The following ANKRD44 variants were observed in gnomAD, a reference collection of about 807,000 sequenced individuals.
ANKRD44 encodes the protein ankyrin repeat domain 44.
ANKRD44 carries 35 observed loss-of-function variants against 116.0 expected under a neutral mutation model. The ratio of observed to expected loss-of-function variants is 0.30; its 90% CI spans 0.23 to 0.40. The LOEUF is 0.40. Among genes scored for constraint, ANKRD44 ranks in the 10% least tolerant of loss-of-function variants. The probability of loss-of-function intolerance (pLI) is 1.00; values close to 1 mark genes in which losing one functional copy is unlikely to be tolerated. For synonymous variants in ANKRD44, 435 were observed against 461.8 expected (o/e 0.94, Z 0.74); for missense variants, 1,014 against 1,242.6 (o/e 0.82, Z 2.77).
intron 1 of ANKRD44, among the ~76,000 whole-genome samples, chr2:197,233,860 T>G (rs755803719): frequency 3.9e-5 from 6 of 152,244 alleles, no homozygotes; most frequent in Non-Finnish European, 7.3e-5. Context: ...CTTTTTCAAA[T>G]AGCCAAATAA....
chr2:197,005,719 C>T lies in ANKRD44; in HGVS notation c.2322G>A (p.Thr774=), dbSNP rs979285115. ...DCCFKDNQGY[T]PLHWACYNGN... ...CATTGTAACAAGCCCAGTGCAGCGG[C>T]GTGTAGCCTTGGTTATCTTTGAAAC... Residue 774 remains threonine, a synonymous_variant, in exon 21 of 28, where the codon ACG becomes ACA. Coordinates refer to ENST00000282272, the MANE Select transcript of ANKRD44 (RefSeq NM_001195144.2). 18 of 1,614,102 alleles carry T rather than the reference C, an allele frequency of 1.1e-5. No individual in the cohort carries two copies. Among genetic ancestry groups the T allele is most frequent in the African/African-American group, 5.3e-5 (4 of 74,944 alleles).
intron 16 of ANKRD44, among the ~76,000 whole-genome samples, chr2:197,059,271 A>T (rs927121229): frequency 3.9e-5 from 6 of 152,232 alleles, no homozygotes; most frequent in Non-Finnish European, 8.8e-5. Context: ...TAATTTTAAA[A>T]AATTTGCAAT....
chr2:197,280,194 C>T (rs1243852675), intron 1 of ANKRD44, among the ~76,000 whole-genome samples: 2 of 152,042 alleles, frequency 1.3e-5, no homozygotes, highest in Non-Finnish European at 2.9e-5. Flanking sequence ...CACCTTAAGC[C>T]CCCCGGGGCC....
At chr2:197,171,417 G>A (rs1251085320) in intron 2 of ANKRD44, among the ~76,000 whole-genome samples, 2 of 152,192 alleles carry the variant, frequency 1.3e-5, no homozygotes, top group Non-Finnish European at 2.9e-5. Context: ...TGTCTGTTTG[G>A]GAGGGCTTTG....
At chr2:197,273,989 A>AGATATC in intron 1 of ANKRD44, among the ~76,000 whole-genome samples, 1 of 22,576 alleles carries the variant, frequency 4.4e-5, no homozygotes, top group Middle Eastern at 0.019. Context: ...AAATATATAT[A>AGATATC]TATATATATA....
At chr2:197,129,493 G>GAGGCATC (rs2125358013) in intron 4 of ANKRD44, among the ~76,000 whole-genome samples, 2 of 152,240 alleles carry the variant, frequency 1.3e-5, no homozygotes, top group Admixed American at 1.3e-4. Context: ...CCCCCAAATG[G>GAGGCATC]AGGCATCAGC....
chr2:197,078,419 T>C (rs1214200602), intron 16 of ANKRD44: 2 of 632,898 alleles, frequency 3.2e-6, no homozygotes, highest in African/African-American at 3.8e-5. Flanking sequence ...ATGGCAATGC[T>C]GGTGTTAGGA....
intron 17 of ANKRD44, among the ~76,000 whole-genome samples, chr2:197,022,181 G>A (rs1211513554): frequency 1.3e-5 from 2 of 152,154 alleles, no homozygotes; most frequent in African/African-American, 2.4e-5. Context: ...TTGCTACTGA[G>A]GCCCCTAGAG....
chr2:197,177,494 T>C (rs552809348), intron 2 of ANKRD44, among the ~76,000 whole-genome samples: 3 of 152,328 alleles, frequency 2.0e-5, no homozygotes, highest in Non-Finnish European at 4.4e-5. Flanking sequence ...TCTACACTTA[T>C]TCAAACTGAC....
intron 15 of ANKRD44, among the ~76,000 whole-genome samples, chr2:197,079,119 T>C (rs1185123335): frequency 6.6e-6 from 1 of 152,064 alleles, no homozygotes; most frequent in Non-Finnish European, 1.5e-5. Flanking sequence ...AGAACATCTG[T>C]TATCAAGATT....
chr2:197,218,443 T>C (rs997656211), intron 1 of ANKRD44, among the ~76,000 whole-genome samples: 1 of 152,184 alleles, frequency 6.6e-6, no homozygotes, highest in Non-Finnish European at 1.5e-5. Flanking sequence ...CATGGCATTC[T>C]GCAGCCAAAG....
chr2:197,212,928 C>A lies in ANKRD44; in HGVS notation c.28-25822G>T, dbSNP rs2081357218. On this transcript the variant is annotated intron_variant, in intron 1 of 27. Coordinates refer to ENST00000282272, the MANE Select transcript of ANKRD44 (RefSeq NM_001195144.2). The surrounding 1 kb of genome is among the most constrained non-coding windows in gnomAD (Gnocchi z 4.8). ...CAGTGTGAACATCTCACAGAGCTGA[C>A]TGGGATTCTAGTGTTTAAAGAAACA... Among the ~76,000 whole-genome samples the A allele has an allele frequency of 6.6e-6, 1 of 152,178 alleles. No homozygotes were observed. The highest frequency in any genetic ancestry group is 2.4e-5 in the African/African-American group (1 of 41,442).
chr2:197,207,769 A>AT (rs2081239941), intron 1 of ANKRD44, among the ~76,000 whole-genome samples: 1 of 152,166 alleles, frequency 6.6e-6, no homozygotes, highest in African/African-American at 2.4e-5. Context: ...GAAAAAAGGA[A>AT]ATCATGCCCC....
chr2:196,992,182 C>T (rs2075930721), intron 27 of ANKRD44, among the ~76,000 whole-genome samples: 1 of 152,178 alleles, frequency 6.6e-6, no homozygotes, highest in African/African-American at 2.4e-5. Flanking sequence ...GTGAGTAGGG[C>T]ACTTGCTCAG....
In ANKRD44 at chr2:197,207,971, C is replaced by T. The variant is rs548812386; in HGVS notation, c.28-20865G>A. 2.3e-4 allele frequency among the ~76,000 whole-genome samples: 35 copies of T among 152,228 alleles called. No individual in the cohort carries two copies. In the South Asian group the frequency reaches 3.9e-3, roughly 17 times the overall value. On this transcript the variant is annotated intron_variant, in intron 1 of 27. Coordinates refer to ENST00000282272, the MANE Select transcript of ANKRD44 (RefSeq NM_001195144.2). ...AATTGTACAGCCAGGAAAGAAGAGG[C>T]GACACCAAATGGTGACAGGGAGTTT... is the stretch of plus-strand genomic sequence containing the variant.
intron 2 of ANKRD44, among the ~76,000 whole-genome samples, chr2:197,169,320 A>G (rs942826077): frequency 2.0e-5 from 3 of 151,960 alleles, no homozygotes; most frequent in Admixed American, 6.6e-5. Flanking sequence ...ATCATAGCAC[A>G]CTTGGCTTTC....
At chr2:196,977,381 T>G (rs2075767998) in intron 21 of ANKRD44, among the ~76,000 whole-genome samples, 1 of 151,718 alleles carries the variant, frequency 6.6e-6, no homozygotes, top group Non-Finnish European at 1.5e-5. Context: ...CTTCTGTGCC[T>G]CAAAGGATAC....
At chr2:197,223,678 T>C (rs972807793) in intron 1 of ANKRD44, among the ~76,000 whole-genome samples, 2 of 152,160 alleles carry the variant, frequency 1.3e-5, no homozygotes, top group Admixed American at 6.5e-5. Context: ...AATCACAACC[T>C]AGAATTGTGG....
chr2:197,275,147 C>T (rs1289864430), intron 1 of ANKRD44, among the ~76,000 whole-genome samples: 1 of 151,590 alleles, frequency 6.6e-6, no homozygotes, highest in Non-Finnish European at 1.5e-5. Context: ...CTCGCTCTGT[C>T]ACCCAGGCTG....
Sources: gnomAD v4.1 joint callset for allele counts (sites outside exome capture counted in the v4.1 genomes callset) on GRCh38, gnomAD v4.1.1 for gene constraint, Gnocchi (gnomAD v3.1) non-coding constraint, MANE v1.5 for transcripts, NCBI Gene and HGNC (gene_info 2026-07-23, HGNC 2026-07-21) for gene names.